The following MYL5 variants were observed in gnomAD, a reference collection of about 807,000 sequenced individuals.
MYL5 encodes the protein myosin light chain 5.
In MYL5, 28 loss-of-function variants were observed where a neutral mutation model predicts 20.8. The observed-to-expected ratio is 1.35, with a 90% CI of 1.00 to 1.84. The LOEUF is 1.84. MYL5 is among the 40% of genes most tolerant of loss of function. MYL5 has a pLI of 0.00. For synonymous variants in MYL5, 118 were observed against 87.4 expected, an observed-to-expected ratio of 1.35 and a Z score of -1.95; for missense variants, 274 against 227.3, an observed-to-expected ratio of 1.21 and a Z score of -1.32.
At chr4:677,955 G>A (rs963555848) in exon 1 of MYL5, 4 of 1,612,564 alleles carry the variant, frequency 2.5e-6, no homozygotes, top group Non-Finnish European at 3.4e-6. Context: ...TGTCCTGGGG[G>A]ACCAAGCAGG....
At chr4:675,597 G>A (rs145687487), upstream of MYL5, 1,008 of 152,690 alleles carry the variant, frequency 6.6e-3, 8 homozygotes, top group Admixed American at 0.014. Flanking sequence ...GGCCTCTCTG[G>A]CTGAGAAACT....
upstream of MYL5, among the ~76,000 whole-genome samples, chr4:677,573 C>G (rs933461604): frequency 6.6e-6 from 1 of 152,234 alleles, no homozygotes; most frequent in Non-Finnish European, 1.5e-5. Flanking sequence ...CCCTGACAGA[C>G]AGAGTGTGCT....
chr4:678,198 G>A, intron 1 of MYL5, 169 bp downstream of exon 3: 9 of 1,523,002 alleles, frequency 5.9e-6, no homozygotes, highest in Non-Finnish European at 8.0e-6. Flanking sequence ...GTATGTGCGT[G>A]TGTGTGACCT....
chr4:675,972 C>T (rs2109313110), upstream of MYL5: 1 of 152,398 alleles, frequency 6.6e-6, no homozygotes, highest in African/African-American at 2.4e-5. Flanking sequence ...AGGTTAGGTA[C>T]TTGCTGTAGG....
intron 4 of MYL5, among the ~76,000 whole-genome samples, 196 bp from the exon 7 acceptor site, chr4:680,313 C>T (rs375434020): frequency 1.3e-5 from 2 of 152,286 alleles, no homozygotes; most frequent in African/African-American, 4.8e-5. Context: ...ACTCACTACA[C>T]CCCAGGGCAG....
rs748290871 is a variant in MYL5 at position 678,102 on chromosome 4, C to CAG, written c.3+75_3+76dup. 181 of 1,587,380 alleles carry CAG rather than the reference C, an allele frequency of 1.1e-4. 1 individual carries two copies. Among genetic ancestry groups the CAG allele is most frequent in the Middle Eastern group, 1.7e-4 (1 of 5,798 alleles). ...TGTGCTGTGCATGTGTACATGCGCA[C>CAG]AGACGAGCGTGGGCGTGTCCGTGCT... On this transcript the variant is annotated intron_variant, in intron 1 of 6. Coordinates refer to ENST00000400159, the Ensembl canonical transcript of MYL5.
At position 680,554 on chromosome 4, in the gene MYL5, A is replaced by AC; in HGVS notation, c.341dup (p.Asp115GlyfsTer20). 6.2e-7 allele frequency: 1 copy of AC among 1,613,426 alleles called. No individual in the cohort carries two copies. The highest frequency in any genetic ancestry group is 1.3e-5 in the African/African-American group (1 of 74,988). On this transcript the variant is annotated frameshift_variant, in exon 5 of 7. Coordinates refer to ENST00000400159, the Ensembl canonical transcript of MYL5. LOFTEE classifies it high-confidence loss of function. The stretch of plus-strand genomic sequence containing the variant: ...ATTCTTAACGCCTTCAAGATGCTGG[A>AC]CCCGGACGGGAAAGGGAAAATCAAC...
exon 6 of MYL5, chr4:681,092 C>T (rs761296199): frequency 3.1e-6 from 5 of 1,601,736 alleles, no homozygotes; most frequent in East Asian, 2.2e-5. Flanking sequence ...TCGTCCTCAG[C>T]ATCAAGCGTC....
intron 5 of MYL5, 153 bp from the exon 8 acceptor site, chr4:680,939 T>C (rs1226522555): frequency 1.2e-6 from 1 of 849,746 alleles, no homozygotes; most frequent in Non-Finnish European, 1.9e-6. Context: ...GAGTGTGTGT[T>C]GGGAAGGGAC....
chr4:680,442 C>T lies in MYL5; in HGVS notation c.293-67C>T. 6.6e-6 allele frequency: 10 copies of T among 1,512,802 alleles called. No individual in the cohort carries two copies. The Admixed American group carries it at 8.6e-5, about 13-fold the overall frequency. The allele number at this position is 1,512,802 out of a possible 1,614,324, so 93.7% of individuals were successfully genotyped here. A position where few individuals can be genotyped will look rare whatever the true frequency, so the allele number is the denominator to read the frequency against. ...TTGGGGCAGGGGTCTCCCCTCCTGCCATCTGCCCTTGGCAGCCACGGGACT... is the reference window on the plus strand; with the variant it reads ...TTGGGGCAGGGGTCTCCCCTCCTGCTATCTGCCCTTGGCAGCCACGGGACT... On this transcript the variant is annotated intron_variant, in intron 4 of 6. Coordinates refer to ENST00000400159, the Ensembl canonical transcript of MYL5.
intron 6 of MYL5, 89 bp from the exon 9 acceptor site, chr4:681,804 G>T (rs1221473195): frequency 1.6e-6 from 2 of 1,246,638 alleles, no homozygotes; most frequent in Non-Finnish European, 2.0e-6. Flanking sequence ...CCCTCCCGCG[G>T]CGCAGAAACC....
At chr4:680,211 G>A (rs529002295) in intron 4 of MYL5, among the ~76,000 whole-genome samples, 193 bp downstream of exon 6, 6 of 152,166 alleles carry the variant, frequency 3.9e-5, no homozygotes, top group South Asian at 2.1e-4. Context: ...CCTGCCCCAC[G>A]TGCTGTGTGA....
intron 1 of MYL5, 25 bp from the exon 4 acceptor site, chr4:678,633 C>T: frequency 6.3e-7 from 1 of 1,588,752 alleles, no homozygotes; most frequent in Non-Finnish European, 8.6e-7. Flanking sequence ...GCCCAGGACC[C>T]TCAGCCATGG....
upstream of MYL5, chr4:674,660 T>C (rs1405996706): frequency 1.6e-5 from 4 of 251,056 alleles, no homozygotes; most frequent in African/African-American, 2.3e-5. Context: ...TCTGTCTTCT[T>C]GCGCGGAGCG....
chr4:679,873 G>A, intron 3 of MYL5, 41 bp from the exon 6 acceptor site: 1 of 1,579,758 alleles, frequency 6.3e-7, no homozygotes, highest in Non-Finnish European at 8.7e-7. Context: ...CACAGGGCAG[G>A]CAACAAGCCC....
intron 3 of MYL5, among the ~76,000 whole-genome samples, chr4:679,662 A>G (rs1278208630): frequency 6.6e-6 from 1 of 152,158 alleles, no homozygotes; most frequent in African/African-American, 2.4e-5. Context: ...AGAACAGCAG[A>G]TCCCAGCACC....
exon 7 of MYL5, chr4:681,983 AAGG>A (rs766444297): frequency 6.4e-6 from 9 of 1,404,112 alleles, no homozygotes; most frequent in Middle Eastern, 1.9e-4. Context: ...CGGGGAGGAG[AAGG>A]AGGAGTGAGA....
chr4:678,437 C>T (rs1220005331), intron 1 of MYL5: 25 of 1,425,554 alleles, frequency 1.8e-5, no homozygotes, highest in Middle Eastern at 2.6e-4. Context: ...GCCACTGTCC[C>T]TCCCCCAGTC....
At chr4:677,348 G>A (rs1373064520), upstream of MYL5, among the ~76,000 whole-genome samples, 1 of 152,186 alleles carries the variant, frequency 6.6e-6, no homozygotes, top group Non-Finnish European at 1.5e-5. Context: ...TGTGCCTGAG[G>A]CCATGGTATA....
Sources: allele counts gnomAD v4.1 joint callset (sites outside exome capture counted in the v4.1 genomes callset), GRCh38; gene constraint gnomAD v4.1.1; transcripts MANE v1.5; gene names NCBI Gene and HGNC (gene_info 2026-07-23, HGNC 2026-07-21).